The following RFC4 variants were observed in gnomAD, a reference collection of about 807,000 sequenced individuals.
RFC4 encodes the protein replication factor C subunit 4.
In RFC4, 38 loss-of-function variants were observed where a neutral mutation model predicts 47.6. The ratio of observed to expected loss-of-function variants is 0.80; its 90% CI spans 0.62 to 1.05. The LOEUF (loss-of-function observed/expected upper bound fraction) is 1.05, where lower values mean the gene tolerates loss of function less well. RFC4 is among the 50% of genes least tolerant of loss of function. The pLI is 0.00. For synonymous variants in RFC4, 164 were observed against 150.0 expected (o/e 1.09, Z -0.68); for missense variants, 489 against 434.0 (o/e 1.13, Z -1.13).
Position 186,806,378 on chromosome 3 carries a change from C to T in RFC4, c.-100G>A, listed in dbSNP as rs1323367904. The T allele has an allele frequency of 5.9e-5, 9 of 152,282 alleles. No individual in the cohort carries two copies. The highest frequency in any genetic ancestry group is 5.9e-4 in the Admixed American group (9 of 15,288). The allele number at this position is 152,282 out of a possible 1,614,324, so 9.4% of individuals were successfully genotyped here. A position where few individuals can be genotyped will look rare whatever the true frequency, so the allele number is the denominator to read the frequency against. On this transcript the variant is annotated 5_prime_UTR_variant, in exon 1 of 11. Transcript: ENST00000296273. ...AAAAAGGACGAGATGGTCTCGAAGT[C>T]TTAGCTCCGTCACCTAATCTGAGAA...
chr3:186,791,095 T>A (rs1194535561), intron 8 of RFC4, among the ~76,000 whole-genome samples: 1 of 152,248 alleles, frequency 6.6e-6, no homozygotes, highest in African/African-American at 2.4e-5. Flanking sequence ...AAGTTGGATA[T>A]GCCTTTTGTT....
chr3:186,803,317 T>G (rs999947352), intron 2 of RFC4, among the ~76,000 whole-genome samples: 1 of 151,904 alleles, frequency 6.6e-6, no homozygotes, highest in Non-Finnish European at 1.5e-5. Context: ...CACTCCAGCC[T>G]GGGTGACAAA....
intron 3 of RFC4, among the ~76,000 whole-genome samples, chr3:186,799,932 G>A (rs192697732): frequency 2.9e-4 from 44 of 152,136 alleles, no homozygotes; most frequent in African/African-American, 9.9e-4. Flanking sequence ...GAGTATTTGT[G>A]TTATTTATTT....
chr3:186,805,382 G>C (rs995472758), intron 1 of RFC4, among the ~76,000 whole-genome samples: 1 of 151,974 alleles, frequency 6.6e-6, no homozygotes, highest in African/African-American at 2.4e-5. Context: ...CACCACCCCC[G>C]GCTAATTTTT....
rs1182449520 is a variant in RFC4 at position 186,790,485 on chromosome 3, C to G, written c.802-79G>C. The G allele has an allele frequency of 7.0e-6, 7 of 993,896 alleles. No homozygotes were observed. In the South Asian group the frequency reaches 9.0e-5, roughly 13 times the overall value. 61.6% of individuals were successfully genotyped at this position (993,896 alleles called of 1,614,324 possible). On this transcript the variant is annotated intron_variant, in intron 8 of 10. Coordinates refer to ENST00000296273, the MANE Select transcript of RFC4 (RefSeq NM_002916.5). ...CACTCTGCCAACTGGCCCCCGTGCCCCCAGTCATTTCTGTTCCACACCTAA... is the reference window on the plus strand; with the variant it reads ...CACTCTGCCAACTGGCCCCCGTGCCGCCAGTCATTTCTGTTCCACACCTAA...
chr3:186,802,801 C>T (rs775359257), intron 2 of RFC4, among the ~76,000 whole-genome samples: 27 of 151,950 alleles, frequency 1.8e-4, no homozygotes, highest in Non-Finnish European at 3.4e-4. Context: ...ATTCAAATAC[C>T]TGCAGAGATT....
intron 10 of RFC4, 35 bp downstream of exon 10, chr3:186,790,107 A>AAAGGTACTTTGCAC: frequency 6.2e-7 from 1 of 1,604,260 alleles, no homozygotes; most frequent in Non-Finnish European, 8.5e-7. Context: ...CAGGTAGTTA[A>AAAGGTACTTTGCAC]ATGTTCCATT....
chr3:186,798,266 T>A (rs1201856986), intron 3 of RFC4, among the ~76,000 whole-genome samples: 1 of 152,192 alleles, frequency 6.6e-6, no homozygotes, highest in East Asian at 1.9e-4. Context: ...TACCTTCTTT[T>A]ATACCTTGTA....
At position 186,793,437 on chromosome 3, in the gene RFC4, TAAG is replaced by T. The variant is rs1722182824; in HGVS notation, c.411-493_411-491del. On this transcript the variant is annotated intron_variant, in intron 5 of 10. Coordinates refer to ENST00000296273, the MANE Select transcript of RFC4 (RefSeq NM_002916.5). This position sits in a 1 kb window ranked among gnomAD's most constrained non-coding sequence, Gnocchi z 4.2. Reference sequence around the variant, plus strand: ...TGGGCTGTTTCCATGTTTTGGCTATTAAGAATAATGCTGCTGTGAACATTTGTG... The same window carrying T: ...TGGGCTGTTTCCATGTTTTGGCTATTAATAATGCTGCTGTGAACATTTGTG... 6.6e-6 allele frequency among the ~76,000 whole-genome samples: 1 copy of T among 152,248 alleles called. No homozygotes were observed. The highest frequency in any genetic ancestry group is 1.5e-5 in the Non-Finnish European group (1 of 68,046).
At chr3:186,794,523 GA>G in intron 5 of RFC4, 134 bp downstream of exon 5, 1 of 835,636 alleles carries the variant, frequency 1.2e-6, no homozygotes, top group Non-Finnish European at 1.9e-6. Flanking sequence ...CCTCAGGCAG[GA>G]TAGTCTTCTA....
chr3:186,790,310 AG>A lies in RFC4; in HGVS notation c.882+15del. Reference sequence around the variant, plus strand: ...ACTTAATATTCCTTTCCCCAAAGTTAGTAAGCTGACTTTACCTTGACCACAG... The same window carrying A: ...ACTTAATATTCCTTTCCCCAAAGTTATAAGCTGACTTTACCTTGACCACAG... On this transcript the variant is annotated intron_variant, in intron 9 of 10. Coordinates refer to ENST00000296273, the MANE Select transcript of RFC4 (RefSeq NM_002916.5). 3 of 1,612,960 alleles carry A rather than the reference AG, an allele frequency of 1.9e-6. No individual in the cohort carries two copies. The highest frequency in any genetic ancestry group is 2.5e-6 in the Non-Finnish European group (3 of 1,178,892).
Position 186,794,667 on chromosome 3 carries a change from C to T in RFC4, c.401G>A (p.Ser134Asn). Residue 134 changes from serine (S) to asparagine (N), a missense_variant, in exon 5 of 11, where the codon AGT (serine) becomes AAT (asparagine). By Grantham distance (46) the Ser-to-Asn change is conservative. Coordinates refer to ENST00000296273, the MANE Select transcript of RFC4 (RefSeq NM_002916.5). ...GGGCAAATTTACTTACTCTGAGCGA[C>T]TTCCTGACACAGTTAATTGAGCAAA... ...KNFAQLTVSG[S>N]RSDGKPCPPF... 1.2e-6 allele frequency: 2 copies of T among 1,613,806 alleles called. No individual in the cohort carries two copies. The highest frequency in any genetic ancestry group is 4.5e-5 in the East Asian group (2 of 44,860).
At chr3:186,794,800 T>C (rs370958194) in intron 4 of RFC4, 23 bp from the exon 5 acceptor site, 6 of 1,612,516 alleles carry the variant, frequency 3.7e-6, no homozygotes, top group Non-Finnish European at 5.1e-6. Flanking sequence ...GAAACAAATA[T>C]GAAACATAGA....
rs1444299350 is a variant in RFC4 at position 186,793,376 on chromosome 3, C to G, written c.411-429G>C. Among the ~76,000 whole-genome samples the G allele has an allele frequency of 6.6e-6, 1 of 152,186 alleles. No homozygotes were observed. Among genetic ancestry groups the G allele is most frequent in the Admixed American group, 6.5e-5 (1 of 15,276 alleles). On this transcript the variant is annotated intron_variant, in intron 5 of 10. Coordinates refer to ENST00000296273, the MANE Select transcript of RFC4 (RefSeq NM_002916.5). The surrounding 1 kb of genome is among the most constrained non-coding windows in gnomAD (Gnocchi z 4.2). ...TGTCAAATACTATGGCAAATAGATA[C>G]ACCACATTTATTCATCCATTAATCG...
rs1722073239 is a variant in RFC4 at position 186,790,398 on chromosome 3, TGGTATTACCTA to T, written c.802-3_809del. On this transcript the variant is annotated splice_acceptor_variant and splice_polypyrimidine_tract_variant and coding_sequence_variant and intron_variant, in exon 9 of 11. Coordinates refer to ENST00000296273, the MANE Select transcript of RFC4 (RefSeq NM_002916.5). LOFTEE classifies it high-confidence loss of function. ...CAAATACTCCATCAATTTTCTCAGC[TGGTATTACCTA>T]GGTAATTGAATGTTCGGTATTAAAG... The T allele has an allele frequency of 1.2e-6, 2 of 1,610,344 alleles. No individual in the cohort carries two copies. Among genetic ancestry groups the T allele is most frequent in the Non-Finnish European group, 1.7e-6 (2 of 1,176,546 alleles).
At chr3:186,797,475 T>C in intron 4 of RFC4, 60 bp downstream of exon 4, 1 of 1,079,812 alleles carries the variant, frequency 9.3e-7, no homozygotes, top group Non-Finnish European at 1.4e-6. Context: ...AAAAAAGCAA[T>C]ATCAGAGAAT....
intron 8 of RFC4, among the ~76,000 whole-genome samples, chr3:186,790,787 C>T (rs1259312783): frequency 6.6e-6 from 1 of 152,188 alleles, no homozygotes; most frequent in South Asian, 2.1e-4. Flanking sequence ...CTCTCAATGT[C>T]TCCATGTAAA....
intron 8 of RFC4, chr3:186,791,177 C>T (rs266754): frequency 0.47 from 73,612 of 155,340 alleles, 17,702 homozygotes; most frequent in Admixed American, 0.48. Context: ...CCAAAGGCAT[C>T]TCTTATAAAA....
chr3:186,798,650 T>C (rs1338351897), intron 3 of RFC4, among the ~76,000 whole-genome samples: 2 of 152,124 alleles, frequency 1.3e-5, no homozygotes, highest in Non-Finnish European at 2.9e-5. Context: ...TCTAACAGCT[T>C]GGCACTTTCT....
Sources: allele counts gnomAD v4.1 joint callset (sites outside exome capture counted in the v4.1 genomes callset), GRCh38; gene constraint gnomAD v4.1.1; non-coding constraint Gnocchi (gnomAD v3.1); transcripts MANE v1.5; gene names NCBI Gene and HGNC (gene_info 2026-07-23, HGNC 2026-07-21).